Variants in PGM2L1 observed in about 807,000 individuals in gnomAD.
PGM2L1 encodes the protein glucose 1,6-bisphosphate synthase.
Under a neutral mutation model 73.4 loss-of-function variants are expected in PGM2L1, and 35 were observed. The observed-to-expected ratio is 0.48, with a 90% CI of 0.36 to 0.63. PGM2L1 has a LOEUF of 0.63. Ranked by LOEUF, PGM2L1 falls within the 30% of genes least tolerant of loss-of-function variation. PGM2L1 has a pLI of 0.00. For missense variants in PGM2L1, 570 were observed against 742.0 expected, an observed-to-expected ratio of 0.77 and a Z score of 2.69; for synonymous variants, 225 against 253.8, an observed-to-expected ratio of 0.89 and a Z score of 1.08.
chr11:74,339,390 G>C (rs1467437056), intron 12 of PGM2L1, among the ~76,000 whole-genome samples: 1 of 152,056 alleles, frequency 6.6e-6, no homozygotes, highest in African/African-American at 2.4e-5. Context: ...GAGGCATCTC[G>C]AGGGGACTGT....
At chr11:74,393,363 T>C (rs887767644) in intron 1 of PGM2L1, among the ~76,000 whole-genome samples, 1 of 152,174 alleles carries the variant, frequency 6.6e-6, no homozygotes, top group African/African-American at 2.4e-5. Context: ...TTTCTTTGGG[T>C]CTCTACGCAA....
chr11:74,330,399 A>G lies in PGM2L1; in HGVS notation c.*6253T>C, dbSNP rs1034737653. 2 of 152,674 alleles carry G rather than the reference A, an allele frequency of 1.3e-5. No homozygotes were observed. The highest frequency in any genetic ancestry group is 4.8e-5 in the African/African-American group (2 of 41,470). The allele number at this position is 152,674 out of a possible 1,614,324, so 9.5% of individuals were successfully genotyped here. ...TCCACACACAAATACATAAAGTGCA[A>G]ATTCTCACAGGCAGTACTTATAATA... On this transcript the variant is annotated 3_prime_UTR_variant, in exon 14 of 14. Coordinates refer to ENST00000298198, the MANE Select transcript of PGM2L1 (RefSeq NM_173582.6).
At chr11:74,375,781 A>C (rs1862845228) in intron 1 of PGM2L1, among the ~76,000 whole-genome samples, 1 of 152,202 alleles carries the variant, frequency 6.6e-6, no homozygotes, top group Non-Finnish European at 1.5e-5. Context: ...ATGATATATA[A>C]AATCCAGACT....
At chr11:74,380,291 T>C (rs1309177250) in intron 1 of PGM2L1, among the ~76,000 whole-genome samples, 1 of 152,194 alleles carries the variant, frequency 6.6e-6, no homozygotes, top group East Asian at 1.9e-4. Context: ...GTCTAGAGTC[T>C]TGGAGCAGAA....
intron 5 of PGM2L1, among the ~76,000 whole-genome samples, chr11:74,359,316 A>C (rs930138430): frequency 6.6e-6 from 1 of 151,660 alleles, no homozygotes; most frequent in African/African-American, 2.4e-5. Flanking sequence ...TTCACTCTGT[A>C]GCCCAGGCTG....
rs563694682 is a variant in PGM2L1, at chr11:74,343,469, T to C, written c.1219-53A>G. ...TAAGTGACTGTCTCACAAATACCTA[T>C]TAGAGAAAAATCTGCCACTACATGC... On this transcript the variant is annotated intron_variant, in intron 9 of 13. Transcript: ENST00000298198. The C allele has an allele frequency of 1.0e-5, 16 of 1,580,178 alleles. No homozygotes were observed. The African/African-American group carries it at 1.8e-4, about 18-fold the overall frequency.
intron 2 of PGM2L1, among the ~76,000 whole-genome samples, chr11:74,373,309 G>A (rs1368061490): frequency 6.6e-6 from 1 of 152,174 alleles, no homozygotes; most frequent in East Asian, 1.9e-4. Context: ...GGGAGGTGTG[G>A]GTGAGGAAGG....
At chr11:74,384,359 T>A (rs972006878) in intron 1 of PGM2L1, among the ~76,000 whole-genome samples, 2 of 152,102 alleles carry the variant, frequency 1.3e-5, no homozygotes, top group African/African-American at 4.8e-5. Flanking sequence ...ACTTATGAGA[T>A]TACTCTTACT....
intron 5 of PGM2L1, among the ~76,000 whole-genome samples, chr11:74,359,725 G>A (rs892543644): frequency 1.3e-5 from 2 of 151,994 alleles, no homozygotes; most frequent in Admixed American, 6.6e-5. Flanking sequence ...AAAAGATGGA[G>A]AAGTGACAAA....
chr11:74,351,418 T>C lies in PGM2L1; in HGVS notation c.714A>G (p.Arg238=). ...KRDPLQDICR[R]YMEDLKKICF... Reference sequence around the variant, plus strand: ...AGATCTTTTTCAGATCTTCCATGTATCTCCTGCAAATGTCCTGCAGAGGGT... The same window carrying C: ...AGATCTTTTTCAGATCTTCCATGTACCTCCTGCAAATGTCCTGCAGAGGGT... The change falls in exon 6 of 14, where the codon AGA becomes AGG. Residue 238 remains arginine (R), a synonymous_variant. Coordinates refer to ENST00000298198, the MANE Select transcript of PGM2L1 (RefSeq NM_173582.6). 6.2e-7 allele frequency: 1 copy of C among 1,613,872 alleles called. No individual in the cohort carries two copies. Among genetic ancestry groups the C allele is most frequent in the Non-Finnish European group, 8.5e-7 (1 of 1,179,966 alleles).
At chr11:74,381,384 A>G (rs1862941947) in intron 1 of PGM2L1, among the ~76,000 whole-genome samples, 1 of 152,084 alleles carries the variant, frequency 6.6e-6, no homozygotes, top group East Asian at 1.9e-4. Context: ...AGAGGACTCT[A>G]AGGACCTAGA....
At chr11:74,356,752 G>A (rs187946189) in intron 5 of PGM2L1, among the ~76,000 whole-genome samples, 25 of 152,040 alleles carry the variant, frequency 1.6e-4, no homozygotes, top group African/African-American at 5.5e-4. Context: ...AAAGAATAAT[G>A]AGCAAATAGT....
chr11:74,342,833 A>C lies in PGM2L1; in HGVS notation c.1442+52T>G, dbSNP rs76452958. The C allele has an allele frequency of 7.6e-4, 1,151 of 1,512,054 alleles. 26 individuals are homozygous for C. The East Asian group carries it at 0.025, about 32-fold the overall frequency. 93.7% of individuals were successfully genotyped at this position (1,512,054 alleles called of 1,614,324 possible). A position where few individuals can be genotyped will look rare whatever the true frequency, so the allele number is the denominator to read the frequency against. ...GAAACAAATTTAGAAAACTAAGGGTAGGACAATAAAAGAAAAATCTAGCAT... is the reference window on the plus strand; with the variant it reads ...GAAACAAATTTAGAAAACTAAGGGTCGGACAATAAAAGAAAAATCTAGCAT... On this transcript the variant is annotated intron_variant, in intron 11 of 13. Coordinates refer to ENST00000298198, the MANE Select transcript of PGM2L1 (RefSeq NM_173582.6).
chr11:74,378,434 T>G (rs1185289953), intron 1 of PGM2L1, among the ~76,000 whole-genome samples: 2 of 152,234 alleles, frequency 1.3e-5, no homozygotes, highest in African/African-American at 4.8e-5. Context: ...CTTAGAATCC[T>G]AACAATTTTA....
Position 74,347,301 on chromosome 11 carries a change from G to C in PGM2L1, c.786C>G (p.His262Gln). ...LNSKTTLKFVHTSFHGVGHDY... is the reference protein window; with the variant it reads ...LNSKTTLKFVQTSFHGVGHDY... Reference sequence around the variant, plus strand: ...CATGTCCGACCCCATGAAAAGATGTGTGCACAAATTTCAAGGTGGTCTTCG... The same window carrying C: ...CATGTCCGACCCCATGAAAAGATGTCTGCACAAATTTCAAGGTGGTCTTCG... Residue 262 changes from histidine (H) to glutamine (Q), a missense_variant, in exon 7 of 14, where the codon CAC (histidine) becomes CAG (glutamine). Transcript: ENST00000298198. 1 of 1,604,170 alleles carries C rather than the reference G, an allele frequency of 6.2e-7. No individual in the cohort carries two copies. Among genetic ancestry groups the C allele is most frequent in the Non-Finnish European group, 8.5e-7 (1 of 1,175,728 alleles).
chr11:74,336,487 A>G lies in PGM2L1; in HGVS notation c.*165T>C. 2 of 414,474 alleles carry G rather than the reference A, an allele frequency of 4.8e-6. No individual in the cohort carries two copies. The highest frequency in any genetic ancestry group is 8.5e-6 in the Non-Finnish European group (2 of 234,304). The allele number at this position is 414,474 out of a possible 1,614,324, so 25.7% of individuals were successfully genotyped here. ...CTAGACCATTTCATTTCAAACTTAT[A>G]CTTTGTTTAGTCTAGCCAGTTGACC... On this transcript the variant is annotated 3_prime_UTR_variant, in exon 14 of 14. Transcript: ENST00000298198.
intron 1 of PGM2L1, among the ~76,000 whole-genome samples, chr11:74,393,047 T>C (rs1229603486): frequency 6.6e-6 from 1 of 152,184 alleles, no homozygotes; most frequent in East Asian, 1.9e-4. Flanking sequence ...TTTCTTTACT[T>C]GCAAAATTGG....
At chr11:74,393,302 G>A (rs1863129557) in intron 1 of PGM2L1, among the ~76,000 whole-genome samples, 2 of 152,182 alleles carry the variant, frequency 1.3e-5, no homozygotes, top group African/African-American at 4.8e-5. Flanking sequence ...ATTGAACTAG[G>A]TGGCAGATCC....
intron 5 of PGM2L1, among the ~76,000 whole-genome samples, chr11:74,356,226 T>A (rs916217508): frequency 3.9e-5 from 6 of 152,126 alleles, no homozygotes; most frequent in South Asian, 2.1e-4. Context: ...TCGGTGTAGC[T>A]GAACTGATAA....
Sources: gnomAD v4.1 joint callset for allele counts (sites outside exome capture counted in the v4.1 genomes callset) on GRCh38, gnomAD v4.1.1 for gene constraint, MANE v1.5 for transcripts, NCBI Gene and HGNC (gene_info 2026-07-23, HGNC 2026-07-21) for gene names.